The following ARFIP1 variants were observed in gnomAD, a reference collection of about 807,000 sequenced individuals.
ARFIP1 encodes the protein ARF interacting protein 1.
In ARFIP1, 24 loss-of-function variants were observed where a neutral mutation model predicts 42.5. The observed-to-expected ratio is 0.57, with a 90% CI of 0.41 to 0.80. ARFIP1 has a LOEUF of 0.80. Ranked by LOEUF, ARFIP1 falls within the 30% of genes least tolerant of loss-of-function variation. The pLI, the probability that ARFIP1 is intolerant of heterozygous loss-of-function variation, is 0.00. For synonymous variants in ARFIP1, 141 were observed against 153.7 expected (o/e 0.92, Z 0.61); for missense variants, 354 against 434.0 (o/e 0.82, Z 1.64).
intron 8 of ARFIP1, among the ~76,000 whole-genome samples, chr4:152,888,670 A>G (rs1212291150): frequency 6.6e-6 from 1 of 152,188 alleles, no homozygotes. Flanking sequence ...CAGGAAAAGA[A>G]CTATGGCATT....
Position 152,882,882 on chromosome 4 carries a change from T to C in ARFIP1, c.791+2T>C. 1 of 1,602,722 alleles carries C rather than the reference T, an allele frequency of 6.2e-7. No homozygotes were observed. Among genetic ancestry groups the C allele is most frequent in the Non-Finnish European group, 8.5e-7 (1 of 1,175,698 alleles). On this transcript the variant is annotated splice_donor_variant, in intron 7 of 8. Transcript: ENST00000353617. LOFTEE classifies it high-confidence loss of function. ...TGTGAAACAGTATGAAAGTGCCAGG[T>C]AAGGTATACATTTTCACTGTGTTGT...
intron 3 of ARFIP1, among the ~76,000 whole-genome samples, chr4:152,868,834 A>G (rs904403284): frequency 3.9e-5 from 6 of 152,192 alleles, no homozygotes; most frequent in Non-Finnish European, 7.4e-5. Flanking sequence ...CAACTCAGCA[A>G]GTAACTTGTA....
intron 2 of ARFIP1, among the ~76,000 whole-genome samples, chr4:152,832,070 C>G (rs1731290091): frequency 6.6e-6 from 1 of 152,064 alleles, no homozygotes; most frequent in South Asian, 2.1e-4. Flanking sequence ...ATGAATAAAG[C>G]TGCTGTGACC....
chr4:152,801,085 A>C (rs1431990497), intron 1 of ARFIP1, among the ~76,000 whole-genome samples: 2 of 152,276 alleles, frequency 1.3e-5, no homozygotes, highest in East Asian at 3.9e-4. Flanking sequence ...CAAGCTGAGG[A>C]GTCGGCTTTT....
At chr4:152,886,289 A>G (rs1236537051) in intron 7 of ARFIP1, among the ~76,000 whole-genome samples, 1 of 152,004 alleles carries the variant, frequency 6.6e-6, no homozygotes, top group Non-Finnish European at 1.5e-5. Flanking sequence ...TGTCAGATCA[A>G]CATTCTTCAG....
intron 1 of ARFIP1, among the ~76,000 whole-genome samples, chr4:152,783,682 C>T (rs1193394081): frequency 1.3e-5 from 2 of 152,216 alleles, no homozygotes; most frequent in Non-Finnish European, 2.9e-5. Context: ...TATCACCTGA[C>T]TTTCTATCAG....
intron 2 of ARFIP1, among the ~76,000 whole-genome samples, chr4:152,854,657 G>C (rs1473337680): frequency 6.6e-6 from 1 of 152,162 alleles, no homozygotes; most frequent in Admixed American, 6.5e-5. Context: ...TGGGTGAGTA[G>C]GCTACTTTGA....
chr4:152,841,193 G>A (rs1392233826), intron 2 of ARFIP1, among the ~76,000 whole-genome samples: 1 of 151,930 alleles, frequency 6.6e-6, no homozygotes, highest in East Asian at 1.9e-4. Flanking sequence ...GTGCCACCAT[G>A]CCCAGCTAAT....
chr4:152,888,569 G>A (rs1736462634), intron 8 of ARFIP1, among the ~76,000 whole-genome samples: 1 of 152,084 alleles, frequency 6.6e-6, no homozygotes, highest in Admixed American at 6.6e-5. Context: ...CTTTGGATTG[G>A]CGTTGATAGC....
chr4:152,832,128 G>C (rs1223692239), intron 2 of ARFIP1, among the ~76,000 whole-genome samples: 2 of 152,036 alleles, frequency 1.3e-5, no homozygotes. Flanking sequence ...TTTTTATTGA[G>C]TACATACCCA....
chr4:152,862,082 G>A (rs964365098), intron 2 of ARFIP1, among the ~76,000 whole-genome samples: 3 of 152,008 alleles, frequency 2.0e-5, no homozygotes, highest in Admixed American at 6.6e-5. Flanking sequence ...TTCATTTACC[G>A]CTATCTCTCA....
Position 152,779,979 on chromosome 4 carries a change from T to TTGGTTC in ARFIP1, c.-247_-242dup, listed in dbSNP as rs1204188041. On this transcript the variant is annotated 5_prime_UTR_variant, in exon 1 of 9. Coordinates refer to ENST00000353617, the MANE Select transcript of ARFIP1 (RefSeq NM_001025595.3). Reference sequence around the variant, plus strand: ...CTCCTCACTTCCGGCTTCGCTGCTCTTGGTTCTGGTTCTGGAGGCTGGGTT... The same window carrying TTGGTTC: ...CTCCTCACTTCCGGCTTCGCTGCTCTTGGTTCTGGTTCTGGTTCTGGAGGCTGGGTT... 6.6e-6 allele frequency: 1 copy of TTGGTTC among 152,570 alleles called. No individual in the cohort carries two copies. 9.5% of individuals were successfully genotyped at this position (152,570 alleles called of 1,614,324 possible).
intron 1 of ARFIP1, among the ~76,000 whole-genome samples, chr4:152,822,843 T>A (rs551833966): frequency 4.1e-4 from 62 of 152,196 alleles, no homozygotes; most frequent in African/African-American, 1.5e-3. Flanking sequence ...GATGGAAATT[T>A]AAAAAATTTT....
intron 1 of ARFIP1, among the ~76,000 whole-genome samples, chr4:152,795,136 T>C (rs1731361969): frequency 6.6e-6 from 1 of 152,044 alleles, no homozygotes; most frequent in Admixed American, 6.6e-5. Context: ...CCTATCTCTT[T>C]AGTTTCTGGT....
intron 1 of ARFIP1, among the ~76,000 whole-genome samples, chr4:152,816,875 T>C (rs1738475112): frequency 6.6e-6 from 1 of 152,258 alleles, no homozygotes; most frequent in Admixed American, 6.5e-5. Flanking sequence ...ATTGAGGATC[T>C]TTCCTTTACT....
At chr4:152,909,228 T>C (rs1738637383) in intron 8 of ARFIP1, among the ~76,000 whole-genome samples, 1 of 151,922 alleles carries the variant, frequency 6.6e-6, no homozygotes, top group Non-Finnish European at 1.5e-5. Flanking sequence ...CTACCAAAAA[T>C]ACAAAAATTA....
intron 2 of ARFIP1, among the ~76,000 whole-genome samples, chr4:152,838,234 TA>T (rs1731805319): frequency 6.6e-6 from 1 of 152,214 alleles, no homozygotes; most frequent in Non-Finnish European, 1.5e-5. Context: ...TGTTTTTGTT[TA>T]GTCTTCCTTT....
chr4:152,799,346 T>C (rs1578821107), intron 1 of ARFIP1, among the ~76,000 whole-genome samples: 1 of 152,208 alleles, frequency 6.6e-6, no homozygotes, highest in African/African-American at 2.4e-5. Flanking sequence ...TTTAGAGGAA[T>C]TGGTAAGGCT....
At chr4:152,819,593 C>T (rs375187716) in intron 1 of ARFIP1, among the ~76,000 whole-genome samples, 17 of 152,144 alleles carry the variant, frequency 1.1e-4, no homozygotes, top group East Asian at 3.9e-4. Context: ...GGGCCCTCAG[C>T]GACTGCTACT....
Sources: allele counts gnomAD v4.1 joint callset (sites outside exome capture counted in the v4.1 genomes callset), GRCh38; gene constraint gnomAD v4.1.1; transcripts MANE v1.5; gene names NCBI Gene and HGNC (gene_info 2026-07-23, HGNC 2026-07-21).